Variants in TTLL7 observed in about 807,000 individuals in gnomAD.
TTLL7 encodes tubulin polyglutamylase TTLL7.
A neutral mutation model predicts 120.2 loss-of-function variants in TTLL7; 53 were observed. The ratio of observed to expected loss-of-function variants is 0.44; its 90% CI spans 0.35 to 0.55. TTLL7 has a LOEUF of 0.55. TTLL7 is among the 20% of genes least tolerant of loss of function. TTLL7 has a pLI of 0.00. For synonymous variants in TTLL7, 353 were observed against 351.7 expected, an observed-to-expected ratio of 1.00 and a Z score of -0.04; for missense variants, 803 against 1,054.7, an observed-to-expected ratio of 0.76 and a Z score of 3.31.
At chr1:83,872,573 C>T (rs1292139963) in intron 20 of TTLL7, among the ~76,000 whole-genome samples, 1 of 152,194 alleles carries the variant, frequency 6.6e-6, no homozygotes, top group Non-Finnish European at 1.5e-5. Flanking sequence ...CTGATAATTA[C>T]ACAGTAAACA....
At chr1:83,899,365 A>C (rs944271167) in intron 18 of TTLL7, among the ~76,000 whole-genome samples, 1 of 151,904 alleles carries the variant, frequency 6.6e-6, no homozygotes, top group Admixed American at 6.6e-5. Context: ...ATTGCTACAA[A>C]CAAGTTGCAC....
intron 1 of TTLL7, among the ~76,000 whole-genome samples, chr1:83,996,309 C>T (rs576999735): frequency 4.1e-4 from 62 of 152,198 alleles, no homozygotes; most frequent in South Asian, 2.1e-3. Context: ...GAAGGGGACT[C>T]GGGGCAACAG....
chr1:83,950,773 G>T (rs1207988552), intron 3 of TTLL7, among the ~76,000 whole-genome samples: 1 of 152,112 alleles, frequency 6.6e-6, no homozygotes, highest in Admixed American at 6.5e-5. Flanking sequence ...CCAAGAGTTG[G>T]GGAAAGGAAT....
At chr1:83,883,448 G>A (rs150455869) in intron 19 of TTLL7, among the ~76,000 whole-genome samples, 203 of 151,940 alleles carry the variant, frequency 1.3e-3, no homozygotes, top group African/African-American at 4.7e-3. Flanking sequence ...GCTATTCACA[G>A]GCACAATCAT....
At chr1:83,939,751 C>T (rs1557690110) in intron 7 of TTLL7, among the ~76,000 whole-genome samples, 1 of 152,052 alleles carries the variant, frequency 6.6e-6, no homozygotes, top group Non-Finnish European at 1.5e-5. Context: ...TTATAATCTC[C>T]TTATATGTAG....
At chr1:83,986,924 C>G (rs529408422) in intron 1 of TTLL7, among the ~76,000 whole-genome samples, 17 of 151,758 alleles carry the variant, frequency 1.1e-4, no homozygotes, top group Non-Finnish European at 2.4e-4. Context: ...CCAGCCATTG[C>G]AATAAAGCAA....
intron 10 of TTLL7, among the ~76,000 whole-genome samples, chr1:83,922,810 T>G (rs1231025746): frequency 6.6e-6 from 1 of 150,690 alleles, no homozygotes; most frequent in Non-Finnish European, 1.5e-5. Context: ...GTATATACAG[T>G]GGCTTAGAAG....
At chr1:83,944,658 A>G (rs1925710) in intron 6 of TTLL7, among the ~76,000 whole-genome samples, 66,131 of 152,054 alleles carry the variant, frequency 0.43, 15,716 homozygotes, top group Non-Finnish European at 0.54. Context: ...CCGTGAGCCA[A>G]GATCATGCCA....
intron 18 of TTLL7, among the ~76,000 whole-genome samples, chr1:83,891,790 G>A (rs1032313998): frequency 6.6e-6 from 1 of 151,406 alleles, no homozygotes; most frequent in Non-Finnish European, 1.5e-5. Context: ...CATAATAAAT[G>A]GTAAGGTAAA....
In TTLL7 at chr1:83,926,076, G is replaced by A. The variant is rs553140193; in HGVS notation, c.1142+3060C>T. Among the ~76,000 whole-genome samples the A allele has an allele frequency of 2.1e-4, 31 of 149,212 alleles. 1 individual carries two copies. In the South Asian group the frequency reaches 4.5e-3, roughly 21 times the overall value. ...ATGGAGGTTGCAGTGAACCAAGAGC[G>A]CGCCACTGCACTCCAGTCTCTTTTG... On this transcript the variant is annotated intron_variant, in intron 10 of 20. Transcript: ENST00000260505.
At chr1:83,906,152 GAATTGTAAC>G (rs1657181820) in intron 17 of TTLL7, among the ~76,000 whole-genome samples, 168 bp downstream of exon 17, 1 of 151,982 alleles carries the variant, frequency 6.6e-6, no homozygotes, top group Non-Finnish European at 1.5e-5. Context: ...CACTGTCCAT[GAATTGTAAC>G]AATTAAAATA....
chr1:83,937,335 G>A (rs1647499410), intron 8 of TTLL7, among the ~76,000 whole-genome samples: 1 of 151,852 alleles, frequency 6.6e-6, no homozygotes, highest in Non-Finnish European at 1.5e-5. Context: ...CCGAGTAGCT[G>A]GGATTACAGG....
At chr1:83,927,558 G>A (rs535496001) in intron 10 of TTLL7, among the ~76,000 whole-genome samples, 2 of 152,246 alleles carry the variant, frequency 1.3e-5, no homozygotes, top group South Asian at 4.1e-4. Flanking sequence ...AGTTTGGGTT[G>A]GAGAGAAACA....
At chr1:83,951,749 A>T in intron 3 of TTLL7, 96 bp downstream of exon 3, 1 of 1,359,966 alleles carries the variant, frequency 7.4e-7, no homozygotes, top group South Asian at 1.6e-5. Context: ...TATATAAAAG[A>T]TAAGTTATCT....
intron 19 of TTLL7, among the ~76,000 whole-genome samples, chr1:83,886,823 T>C (rs1270651497): frequency 6.6e-6 from 1 of 151,938 alleles, no homozygotes; most frequent in Non-Finnish European, 1.5e-5. Flanking sequence ...AAATGCCACT[T>C]CCCATAGCCA....
chr1:83,982,093 T>A (rs929092525), intron 1 of TTLL7, among the ~76,000 whole-genome samples: 3 of 152,204 alleles, frequency 2.0e-5, no homozygotes, highest in African/African-American at 7.2e-5. Context: ...GAGTATGTTA[T>A]CTGACTAGAT....
intron 18 of TTLL7, among the ~76,000 whole-genome samples, chr1:83,892,729 C>CACATATATATGTGA (rs1655781903): frequency 3.0e-5 from 1 of 32,938 alleles, no homozygotes; most frequent in Non-Finnish European, 5.8e-5. Flanking sequence ...TATATGTGAA[C>CACATATATATGTGA]ACATATATAT....
Position 83,892,702 on chromosome 1 carries a change from A to G in TTLL7, c.2209-2221T>C, listed in dbSNP as rs188167750. On this transcript the variant is annotated intron_variant, in intron 18 of 20. Transcript: ENST00000260505. ...TATGAACATATATATGAACATATAT[A>G]TGAACATATGAACATATATATGTGA... Among the ~76,000 whole-genome samples, 144 of 111,714 alleles carry G rather than the reference A, an allele frequency of 1.3e-3. 1 individual carries two copies. The East Asian group carries it at 0.035, about 27-fold the overall frequency. The allele number at this position is 111,714 out of a possible 152,430, so 73.3% of individuals were successfully genotyped here. A position where few individuals can be genotyped will look rare whatever the true frequency, so the allele number is the denominator to read the frequency against.
chr1:83,953,527 T>C (rs1649252749), intron 1 of TTLL7, among the ~76,000 whole-genome samples: 1 of 152,172 alleles, frequency 6.6e-6, no homozygotes. Context: ...TTCTCAGGTA[T>C]CATTTTTACT....
Sources: allele counts gnomAD v4.1 joint callset (sites outside exome capture counted in the v4.1 genomes callset), GRCh38; gene constraint gnomAD v4.1.1; transcripts MANE v1.5; gene names NCBI Gene and HGNC (gene_info 2026-07-23, HGNC 2026-07-21).